Variants in VGLL3 observed in about 807,000 individuals in gnomAD.
VGLL3 encodes the protein transcription cofactor vestigial-like protein 3.
In VGLL3, 18 loss-of-function variants were observed where a neutral mutation model predicts 29.2. That is an observed-to-expected ratio of 0.62 (90% CI 0.43 to 0.91). The LOEUF (loss-of-function observed/expected upper bound fraction) is 0.91. VGLL3 is among the 40% of genes least tolerant of loss of function. The probability of loss-of-function intolerance (pLI) is 0.00; values close to 1 mark genes in which losing one functional copy is unlikely to be tolerated. For missense variants in VGLL3, 440 were observed against 413.2 expected (o/e 1.06, Z -0.56); for synonymous variants, 180 against 151.8 (o/e 1.19, Z -1.36).
chr3:86,988,176 A>G (rs928101765), intron 1 of VGLL3, among the ~76,000 whole-genome samples: 4 of 152,098 alleles, frequency 2.6e-5, no homozygotes, highest in African/African-American at 9.7e-5. Context: ...CTTTTCTAGC[A>G]TTTTTTAAAT....
At chr3:86,966,814 TATATATATATAG>T (rs2107011803) in intron 3 of VGLL3, among the ~76,000 whole-genome samples, 2 of 121,550 alleles carry the variant, frequency 1.6e-5, no homozygotes, top group Admixed American at 8.5e-5. Flanking sequence ...TATATATATA[TATATATATATAG>T]TACCCCAGGT....
At chr3:86,957,695 C>T (rs1233566180) in intron 3 of VGLL3, among the ~76,000 whole-genome samples, 1 of 152,130 alleles carries the variant, frequency 6.6e-6, no homozygotes, top group Non-Finnish European at 1.5e-5. Flanking sequence ...TTCTACATCT[C>T]TGCAAATATT....
intron 3 of VGLL3, among the ~76,000 whole-genome samples, chr3:86,958,589 A>C (rs1322718887): frequency 6.6e-6 from 1 of 152,226 alleles, no homozygotes; most frequent in Non-Finnish European, 1.5e-5. Context: ...GCCCATGGGC[A>C]TGATAGCTAC....
intron 1 of VGLL3, among the ~76,000 whole-genome samples, chr3:86,987,924 G>A (rs559492118): frequency 2.0e-5 from 3 of 152,246 alleles, no homozygotes; most frequent in South Asian, 2.1e-4. Flanking sequence ...TGTGCTTATC[G>A]GAAAACAGGT....
chr3:86,950,412 A>C (rs1243564371), intron 3 of VGLL3, among the ~76,000 whole-genome samples: 4 of 152,226 alleles, frequency 2.6e-5, no homozygotes, highest in African/African-American at 7.2e-5. Flanking sequence ...AAGAGAATTT[A>C]CGCAATCATT....
intron 3 of VGLL3, among the ~76,000 whole-genome samples, chr3:86,958,034 T>A (rs1440693739): frequency 6.6e-6 from 1 of 152,180 alleles, no homozygotes; most frequent in African/African-American, 2.4e-5. Context: ...ATATGCACAC[T>A]TTTTTGTTAT....
chr3:86,988,154 C>T (rs763483130), intron 1 of VGLL3, among the ~76,000 whole-genome samples: 8 of 152,134 alleles, frequency 5.3e-5, no homozygotes, highest in Non-Finnish European at 1.0e-4. Context: ...TAATATAAAA[C>T]TTTAATGCTG....
At chr3:86,969,825 C>T (rs1399659742) in intron 2 of VGLL3, among the ~76,000 whole-genome samples, 1 of 151,936 alleles carries the variant, frequency 6.6e-6, no homozygotes, top group Non-Finnish European at 1.5e-5. Flanking sequence ...CATGGATAAT[C>T]TCATAGGAGT....
Position 86,969,110 on chromosome 3 carries a change from G to C in VGLL3, c.417C>G (p.Leu139=), listed in dbSNP as rs762891129. The change falls in exon 3 of 4, where the codon CTC becomes CTG. Residue 139 remains leucine (L), a synonymous_variant. Coordinates refer to ENST00000398399, the MANE Select transcript of VGLL3 (RefSeq NM_016206.4). The part of the protein sequence containing the change: ...LTPLWRDSSA[L]SSQRNSFPTS... ...TTGGGAAACTATTCCGCTGGCTTGA[G>C]AGAGCTGAGCTGTCTGAGAAGACAG... The C allele has an allele frequency of 6.2e-7, 1 of 1,600,524 alleles. No individual in the cohort carries two copies. Among genetic ancestry groups the C allele is most frequent in the Non-Finnish European group, 8.5e-7 (1 of 1,171,624 alleles).
chr3:86,968,381 G>T (rs1424935149), intron 3 of VGLL3, among the ~76,000 whole-genome samples: 2 of 152,104 alleles, frequency 1.3e-5, no homozygotes, highest in Non-Finnish European at 2.9e-5. Flanking sequence ...TGAGAGAAAA[G>T]CTCTGAGACC....
In VGLL3 at chr3:86,962,434, G is replaced by T. The variant is rs114266044; in HGVS notation, c.937+6156C>A. ...ACCTCACTGTCCTCACCACCACTCAGCCCTTCGGAAAAAATGGACCACCTT... is the reference window on the plus strand; with the variant it reads ...ACCTCACTGTCCTCACCACCACTCATCCCTTCGGAAAAAATGGACCACCTT... On this transcript the variant is annotated intron_variant, in intron 3 of 3. Coordinates refer to ENST00000398399, the MANE Select transcript of VGLL3 (RefSeq NM_016206.4). The T allele has an allele frequency of 8.3e-4, 815 of 985,208 alleles. 3 individuals carry two copies. The African/African-American group carries it at 0.013, about 16-fold the overall frequency. The allele number at this position is 985,208 out of a possible 1,614,324, so 61.0% of individuals were successfully genotyped here.
intron 2 of VGLL3, among the ~76,000 whole-genome samples, chr3:86,972,957 C>T (rs1322548393): frequency 6.6e-6 from 1 of 151,802 alleles, no homozygotes; most frequent in Non-Finnish European, 1.5e-5. Flanking sequence ...CCACTAAAAG[C>T]AAACCCAGTA....
intron 1 of VGLL3, among the ~76,000 whole-genome samples, chr3:86,988,411 G>A (rs116795026): frequency 7.2e-4 from 109 of 151,368 alleles, no homozygotes; most frequent in African/African-American, 2.3e-3. Flanking sequence ...ATGTATTCTC[G>A]GATGACTGCA....
At chr3:86,969,267 T>TGAA in intron 2 of VGLL3, 144 bp from the exon 3 acceptor site, 1 of 1,042,740 alleles carries the variant, frequency 9.6e-7, no homozygotes, top group Non-Finnish European at 1.3e-6. Context: ...CAAACAGGGG[T>TGAA]GAATTGATAC....
At chr3:86,987,000 G>A (rs1350877221) in intron 1 of VGLL3, among the ~76,000 whole-genome samples, 1 of 151,936 alleles carries the variant, frequency 6.6e-6, no homozygotes, top group Non-Finnish European at 1.5e-5. Flanking sequence ...GGGACCTAAA[G>A]ACAAAAATAA....
chr3:86,959,725 G>C (rs1260704217), intron 3 of VGLL3, among the ~76,000 whole-genome samples: 1 of 152,028 alleles, frequency 6.6e-6, no homozygotes, highest in Non-Finnish European at 1.5e-5. Flanking sequence ...TGGGTATAAA[G>C]CTCCATAATT....
At chr3:86,974,054 G>C (rs1490856077) in intron 2 of VGLL3, among the ~76,000 whole-genome samples, 1 of 151,860 alleles carries the variant, frequency 6.6e-6, no homozygotes, top group African/African-American at 2.4e-5. Flanking sequence ...ATAACTCTAG[G>C]AGAAGGGTAT....
intron 3 of VGLL3, among the ~76,000 whole-genome samples, chr3:86,951,777 T>C (rs1441664900): frequency 6.7e-6 from 1 of 148,830 alleles, no homozygotes; most frequent in African/African-American, 2.5e-5. Flanking sequence ...ATAATTGATA[T>C]AGGAGACAGT....
At chr3:86,965,703 A>G (rs1285084687) in intron 3 of VGLL3, among the ~76,000 whole-genome samples, 2 of 152,066 alleles carry the variant, frequency 1.3e-5, no homozygotes. Flanking sequence ...GCCCAATATC[A>G]TGTCCCCTTA....
Sources: gnomAD v4.1 joint callset for allele counts (sites outside exome capture counted in the v4.1 genomes callset) on GRCh38, gnomAD v4.1.1 for gene constraint, MANE v1.5 for transcripts, NCBI Gene and HGNC (gene_info 2026-07-23, HGNC 2026-07-21) for gene names.